Variants in LHPP observed in about 807,000 individuals in gnomAD.
LHPP encodes the protein phospholysine phosphohistidine inorganic pyrophosphate phosphatase.
In LHPP, 24 loss-of-function variants were observed where a neutral mutation model predicts 30.3. That is an observed-to-expected ratio of 0.79 (90% CI 0.57 to 1.11). The LOEUF is 1.11. LHPP is among the 50% of genes most tolerant of loss of function. LHPP has a pLI of 0.00. For synonymous variants in LHPP, 150 were observed against 157.1 expected (o/e 0.95, Z 0.34); for missense variants, 356 against 367.2 (o/e 0.97, Z 0.25).
At chr10:124,557,884 T>C (rs1436913583) in intron 6 of LHPP, among the ~76,000 whole-genome samples, 1 of 152,070 alleles carries the variant, frequency 6.6e-6, no homozygotes, top group Non-Finnish European at 1.5e-5. Flanking sequence ...CATGAGCCCG[T>C]GGACATCTAG....
At chr10:124,482,015 C>T (rs1310982925) in intron 1 of LHPP, among the ~76,000 whole-genome samples, 1 of 150,730 alleles carries the variant, frequency 6.6e-6, no homozygotes, top group Non-Finnish European at 1.5e-5. Flanking sequence ...TCCAAAGTCT[C>T]AGGCTCAAGA....
chr10:124,581,440 C>T (rs952531879), intron 6 of LHPP, among the ~76,000 whole-genome samples: 29 of 152,168 alleles, frequency 1.9e-4, no homozygotes, highest in African/African-American at 6.8e-4. Flanking sequence ...TGCTGGGTCA[C>T]GTGGTATCTA....
chr10:124,573,712 G>T (rs1373078976), intron 6 of LHPP, among the ~76,000 whole-genome samples: 1 of 152,180 alleles, frequency 6.6e-6, no homozygotes, highest in Non-Finnish European at 1.5e-5. Context: ...GATCCTTGCT[G>T]CCACATCATC....
At chr10:124,509,883 T>G (rs1954256818) in intron 5 of LHPP, among the ~76,000 whole-genome samples, 1 of 152,126 alleles carries the variant, frequency 6.6e-6, no homozygotes, top group Non-Finnish European at 1.5e-5. Context: ...CCACGGAAGC[T>G]CTTTGGTGCT....
chr10:124,525,374 C>A (rs1396661257), intron 6 of LHPP, among the ~76,000 whole-genome samples: 1 of 152,204 alleles, frequency 6.6e-6, no homozygotes, highest in Non-Finnish European at 1.5e-5. Flanking sequence ...CATGGAGGAG[C>A]ATATGTTCAA....
At chr10:124,500,024 T>C (rs969135207) in intron 5 of LHPP, among the ~76,000 whole-genome samples, 4 of 152,060 alleles carry the variant, frequency 2.6e-5, no homozygotes, top group Admixed American at 1.3e-4. Flanking sequence ...TTTTACTACC[T>C]TGCTTCATAG....
intron 6 of LHPP, among the ~76,000 whole-genome samples, chr10:124,565,191 T>C (rs1248526544): frequency 6.6e-6 from 1 of 152,156 alleles, no homozygotes; most frequent in Non-Finnish European, 1.5e-5. Context: ...CCTGAGCTTC[T>C]GCAAAAGCTG....
At chr10:124,552,886 A>G (rs1948199086) in intron 6 of LHPP, among the ~76,000 whole-genome samples, 1 of 152,250 alleles carries the variant, frequency 6.6e-6, no homozygotes, top group African/African-American at 2.4e-5. Flanking sequence ...CTGTTAAGGT[A>G]ATTACACTTA....
intron 5 of LHPP, among the ~76,000 whole-genome samples, chr10:124,504,599 CAA>C (rs59159229): frequency 4.7e-5 from 5 of 105,692 alleles, no homozygotes; most frequent in Admixed American, 1.1e-4. Flanking sequence ...GACCCTGTCT[CAA>C]AAAAAAAAAA....
chr10:124,599,372 C>T (rs757475917), intron 6 of LHPP, among the ~76,000 whole-genome samples: 8 of 152,258 alleles, frequency 5.3e-5, no homozygotes, highest in Non-Finnish European at 1.0e-4. Flanking sequence ...CCAGGAGGGG[C>T]TCTTTTCAGC....
rs1486650668 is a variant in LHPP at position 124,544,595 on chromosome 10, C to A, written c.716+27324C>A. Among the ~76,000 whole-genome samples the A allele has an allele frequency of 3.3e-5, 5 of 152,232 alleles. No homozygotes were observed. In the South Asian group the frequency reaches 1.0e-3, roughly 31 times the overall value. On this transcript the variant is annotated intron_variant, in intron 6 of 6. Coordinates refer to ENST00000368842, the MANE Select transcript of LHPP (RefSeq NM_022126.4). ...CCTCTGGGCCAACAGTCTCACCCTG[C>A]AGGAGGCCTGGCACCTGTGTTTGTA... is the stretch of plus-strand genomic sequence containing the variant.
chr10:124,609,950 G>A (rs1349398092), intron 6 of LHPP, among the ~76,000 whole-genome samples: 1 of 152,156 alleles, frequency 6.6e-6, no homozygotes, highest in Non-Finnish European at 1.5e-5. Context: ...GCTGTGTGGA[G>A]CAGTGTGCCT....
chr10:124,562,981 G>A (rs1158809587), intron 6 of LHPP, among the ~76,000 whole-genome samples: 5 of 151,328 alleles, frequency 3.3e-5, no homozygotes, highest in African/African-American at 7.3e-5. Flanking sequence ...AAAAAATGCC[G>A]ATGAGAACAG....
intron 6 of LHPP, among the ~76,000 whole-genome samples, chr10:124,580,474 T>C (rs1948728826): frequency 6.6e-6 from 1 of 152,254 alleles, no homozygotes; most frequent in Admixed American, 6.5e-5. Flanking sequence ...TTTTATTTTC[T>C]ATGTGGATAA....
chr10:124,504,439 C>CAAA (rs36071785), intron 5 of LHPP, among the ~76,000 whole-genome samples: 3,878 of 128,752 alleles, frequency 0.03, 121 homozygotes, highest in Non-Finnish European at 0.042. Context: ...AGAAAAAATG[C>CAAA]AAAAAAAAAA....
At chr10:124,582,656 T>A (rs1948757272) in intron 6 of LHPP, among the ~76,000 whole-genome samples, 1 of 152,184 alleles carries the variant, frequency 6.6e-6, no homozygotes, top group Non-Finnish European at 1.5e-5. Flanking sequence ...ATTTTGTGTA[T>A]GTATTACACC....
intron 6 of LHPP, among the ~76,000 whole-genome samples, chr10:124,533,531 A>G (rs1288725261): frequency 6.6e-6 from 1 of 152,232 alleles, no homozygotes; most frequent in Non-Finnish European, 1.5e-5. Flanking sequence ...AGCCCCTCCC[A>G]GAAGGATAGG....
chr10:124,551,107 C>T (rs952102368), intron 6 of LHPP, among the ~76,000 whole-genome samples: 3 of 152,206 alleles, frequency 2.0e-5, no homozygotes, highest in Non-Finnish European at 4.4e-5. Context: ...ATCACTGGCA[C>T]CTCCACCAGC....
chr10:124,579,889 CA>C (rs533528414), intron 6 of LHPP, among the ~76,000 whole-genome samples: 6 of 152,128 alleles, frequency 3.9e-5, no homozygotes, highest in Non-Finnish European at 5.9e-5. Context: ...TCCCCTCCAG[CA>C]GTAGGAAAGA....
Sources: allele counts gnomAD v4.1 joint callset (sites outside exome capture counted in the v4.1 genomes callset), GRCh38; gene constraint gnomAD v4.1.1; transcripts MANE v1.5; gene names NCBI Gene and HGNC (gene_info 2026-07-23, HGNC 2026-07-21).